RBFOX1: variants seen among roughly 807,000 people sequenced by gnomAD.
RBFOX1 encodes the protein RNA binding fox-1 homolog 1, also known as RNA binding protein fox-1 homolog 1.
In RBFOX1, 8 loss-of-function variants were observed where a neutral mutation model predicts 57.7. That is an observed-to-expected ratio of 0.14 (90% CI 0.08 to 0.25). The LOEUF is 0.25. RBFOX1 is among the 10% of genes least tolerant of loss of function. The pLI, the probability that RBFOX1 is intolerant of heterozygous loss-of-function variation, is 1.00. For missense variants in RBFOX1, 611 were observed against 548.5 expected (o/e 1.11, Z -1.14); for synonymous variants, 326 against 222.4 (o/e 1.47, Z -4.15).
At chr16:5,393,824 T>C (rs545371756) in intron 1 of RBFOX1, among the ~76,000 whole-genome samples, 4 of 152,318 alleles carry the variant, frequency 2.6e-5, no homozygotes, top group East Asian at 3.9e-4. Context: ...TCTCCAGAAC[T>C]TTTTCATCTT....
chr16:6,075,929 G>A (rs934438526), intron 1 of RBFOX1, among the ~76,000 whole-genome samples: 3 of 152,164 alleles, frequency 2.0e-5, no homozygotes, highest in African/African-American at 7.2e-5. Flanking sequence ...TAATGAGGCA[G>A]GTACATTTGA....
At chr16:6,344,844 C>T (rs1035225021) in intron 2 of RBFOX1, among the ~76,000 whole-genome samples, 2 of 151,728 alleles carry the variant, frequency 1.3e-5, no homozygotes, top group African/African-American at 4.8e-5. Flanking sequence ...GCATGTGCCA[C>T]CATGCTCCAC....
At chr16:7,549,891 T>C (rs79857230) in intron 5 of RBFOX1, among the ~76,000 whole-genome samples, 3,764 of 152,254 alleles carry the variant, frequency 0.025, 67 homozygotes, top group Non-Finnish European at 0.039. Flanking sequence ...TCCAATCACG[T>C]TGACAATATT....
intron 2 of RBFOX1, among the ~76,000 whole-genome samples, chr16:6,377,245 TC>T (rs1457239535): frequency 2.1e-5 from 3 of 139,874 alleles, no homozygotes; most frequent in Admixed American, 7.5e-5. Flanking sequence ...CTGCACTCCA[TC>T]CTGAGTGACA....
chr16:5,776,682 C>G lies in RBFOX1; in HGVS notation c.319-90621C>G, dbSNP rs1027957373. On this transcript the variant is annotated intron_variant, in intron 3 of 19. Coordinates refer to the RBFOX1 transcript ENST00000641259. ...ATTATCATCCCCAGTTGACACTAAGCTAGAAAGTGGCAGAGCTGGGATTTC... is the reference window on the plus strand; with the variant it reads ...ATTATCATCCCCAGTTGACACTAAGGTAGAAAGTGGCAGAGCTGGGATTTC... 2.6e-5 allele frequency among the ~76,000 whole-genome samples: 4 copies of G among 152,228 alleles called. No individual in the cohort carries two copies. In the East Asian group the frequency reaches 7.7e-4, roughly 29 times the overall value.
At chr16:7,682,642 A>T (rs11642752) in intron 14 of RBFOX1, among the ~76,000 whole-genome samples, 2 of 151,212 alleles carry the variant, frequency 1.3e-5, no homozygotes, top group African/African-American at 4.9e-5. Flanking sequence ...TCAAGTTGTA[A>T]TAAGAATGTA....
chr16:7,123,884 C>T (rs929254075), intron 4 of RBFOX1, among the ~76,000 whole-genome samples: 1 of 152,104 alleles, frequency 6.6e-6, no homozygotes, highest in South Asian at 2.1e-4. Flanking sequence ...GTTTTAAGAA[C>T]ATGCCACAGT....
intron 1 of RBFOX1, among the ~76,000 whole-genome samples, chr16:6,158,140 A>G (rs529393843): frequency 2.6e-5 from 4 of 152,296 alleles, no homozygotes; most frequent in South Asian, 2.1e-4. Context: ...CTTCTGGGCA[A>G]CCAATAATGA....
chr16:7,091,024 C>T (rs190522974), intron 4 of RBFOX1, among the ~76,000 whole-genome samples: 7 of 152,322 alleles, frequency 4.6e-5, no homozygotes, highest in African/African-American at 1.7e-4. Context: ...ATCTAATTCA[C>T]AAACAGGATA....
At chr16:5,388,643 C>A (rs2066318980) in intron 1 of RBFOX1, among the ~76,000 whole-genome samples, 1 of 152,126 alleles carries the variant, frequency 6.6e-6, no homozygotes, top group African/African-American at 2.4e-5. Flanking sequence ...GTGGTATGAT[C>A]TCAGCTCACT....
At chr16:6,214,368 G>GGAGAAA (rs1350870075) in intron 1 of RBFOX1, among the ~76,000 whole-genome samples, 1 of 146,020 alleles carries the variant, frequency 6.8e-6, no homozygotes, top group Non-Finnish European at 1.5e-5. Flanking sequence ...AGAGAGTGAG[G>GGAGAAA]GAGAAAGAGT....
At chr16:6,608,828 C>T (rs921502230) in intron 2 of RBFOX1, among the ~76,000 whole-genome samples, 4 of 152,226 alleles carry the variant, frequency 2.6e-5, no homozygotes, top group African/African-American at 4.8e-5. Flanking sequence ...CAGAAGTCTG[C>T]AGTGTGTCTC....
intron 4 of RBFOX1, among the ~76,000 whole-genome samples, chr16:7,332,539 AT>A (rs2096711704): frequency 6.6e-6 from 1 of 152,082 alleles, no homozygotes; most frequent in Admixed American, 6.6e-5. Flanking sequence ...ATTAATTTAC[AT>A]TTCTCAGTTT....
intron 2 of RBFOX1, among the ~76,000 whole-genome samples, chr16:5,556,373 G>C (rs7202720): frequency 0.77 from 116,855 of 152,220 alleles, 44,973 homozygotes; most frequent in East Asian, 0.87. Flanking sequence ...ATTGAGCTGT[G>C]AGCCGAGGAA....
intron 2 of RBFOX1, among the ~76,000 whole-genome samples, chr16:5,521,828 C>T (rs1369262874): frequency 1.3e-5 from 2 of 152,194 alleles, no homozygotes; most frequent in African/African-American, 4.8e-5. Context: ...CCCGGAAGTT[C>T]ACATGTTATT....
intron 1 of RBFOX1, among the ~76,000 whole-genome samples, chr16:6,029,829 A>G (rs1031211456): frequency 6.6e-6 from 1 of 150,526 alleles, no homozygotes; most frequent in Non-Finnish European, 1.5e-5. Context: ...TAGGTGAGGG[A>G]TAAGAACCAA....
chr16:5,808,226 A>G (rs769474530), intron 3 of RBFOX1, among the ~76,000 whole-genome samples: 88 of 152,196 alleles, frequency 5.8e-4, no homozygotes, highest in Non-Finnish European at 1.1e-3. Context: ...GTGAAGACCA[A>G]GAAAAGACAT....
chr16:6,608,441 C>T (rs1029636567), intron 2 of RBFOX1, among the ~76,000 whole-genome samples: 3 of 152,262 alleles, frequency 2.0e-5, no homozygotes, highest in African/African-American at 7.2e-5. Context: ...AGTTTTCACC[C>T]TTATTCGTTT....
Position 6,643,356 on chromosome 16 carries a change from C to G in RBFOX1, c.-63-11247C>G, listed in dbSNP as rs553120230. The stretch of plus-strand genomic sequence containing the variant: ...AGTGAATAAAATCTATCACTGCAAA[C>G]ATTTTATACTATTCTTCATGTATTC... On this transcript the variant is annotated intron_variant, in intron 2 of 15. Transcript: ENST00000550418. Among the ~76,000 whole-genome samples the G allele has an allele frequency of 2.0e-5, 3 of 152,260 alleles. No individual in the cohort carries two copies. In the East Asian group the frequency reaches 5.8e-4, roughly 29 times the overall value.
Sources: gnomAD v4.1 joint callset for allele counts (sites outside exome capture counted in the v4.1 genomes callset) on GRCh38, gnomAD v4.1.1 for gene constraint, MANE v1.5 for transcripts, NCBI Gene and HGNC (gene_info 2026-07-23, HGNC 2026-07-21) for gene names.